Variants in CACHD1 observed in about 807,000 individuals in gnomAD.
CACHD1 encodes the protein cache domain containing 1.
CACHD1 carries 71 observed loss-of-function variants against 138.7 expected under a neutral mutation model. The ratio of observed to expected loss-of-function variants is 0.51; its 90% CI spans 0.42 to 0.62. The LOEUF (loss-of-function observed/expected upper bound fraction) is 0.62, where lower values mean the gene tolerates loss of function less well. CACHD1 is among the 20% of genes least tolerant of loss of function. CACHD1 has a pLI of 0.00. For synonymous variants in CACHD1, 578 were observed against 591.5 expected, an observed-to-expected ratio of 0.98 and a Z score of 0.33; for missense variants, 1,389 against 1,625.3, an observed-to-expected ratio of 0.85 and a Z score of 2.50.
At chr1:64,656,131 C>T (rs1649254232) in intron 12 of CACHD1, among the ~76,000 whole-genome samples, 1 of 152,184 alleles carries the variant, frequency 6.6e-6, no homozygotes, top group Admixed American at 6.5e-5. Flanking sequence ...TTCCAACCTT[C>T]TTGTTTGGTT....
chr1:64,620,909 T>C (rs1050715019), intron 4 of CACHD1, among the ~76,000 whole-genome samples: 4 of 152,110 alleles, frequency 2.6e-5, no homozygotes, highest in Non-Finnish European at 5.9e-5. Context: ...TTAGAGTTGG[T>C]TGGAGGAGGA....
chr1:64,503,813 T>C (rs1243140189), intron 1 of CACHD1, among the ~76,000 whole-genome samples: 2 of 152,114 alleles, frequency 1.3e-5, no homozygotes, highest in African/African-American at 4.8e-5. Flanking sequence ...AATGGGGAGA[T>C]CATTGTTTTG....
At chr1:64,589,479 T>C (rs1647079920) in intron 3 of CACHD1, among the ~76,000 whole-genome samples, 1 of 151,936 alleles carries the variant, frequency 6.6e-6, no homozygotes, top group Non-Finnish European at 1.5e-5. Flanking sequence ...ATAGCGTGTG[T>C]GTGTGTGCGT....
intron 1 of CACHD1, among the ~76,000 whole-genome samples, chr1:64,480,152 A>G (rs1193580500): frequency 6.6e-6 from 1 of 152,194 alleles, no homozygotes; most frequent in Non-Finnish European, 1.5e-5. Flanking sequence ...GACCTCTCAG[A>G]TCTACAGATC....
chr1:64,682,783 C>A (rs1157661721), intron 26 of CACHD1, among the ~76,000 whole-genome samples: 1 of 152,110 alleles, frequency 6.6e-6, no homozygotes, highest in Non-Finnish European at 1.5e-5. Context: ...TTCTCAGAGT[C>A]CATATCGCTC....
chr1:64,517,037 C>T (rs980923781), intron 1 of CACHD1, among the ~76,000 whole-genome samples: 1 of 152,142 alleles, frequency 6.6e-6, no homozygotes, highest in Non-Finnish European at 1.5e-5. Flanking sequence ...GCTGTTAGTA[C>T]CTATTTCATG....
intron 2 of CACHD1, among the ~76,000 whole-genome samples, chr1:64,580,510 C>T (rs1647003687): frequency 6.6e-6 from 1 of 152,104 alleles, no homozygotes; most frequent in South Asian, 2.1e-4. Flanking sequence ...TTAAATAAAA[C>T]ATCTGGTTAA....
intron 2 of CACHD1, among the ~76,000 whole-genome samples, chr1:64,579,330 A>C (rs1303218377): frequency 1.3e-5 from 2 of 152,234 alleles, no homozygotes; most frequent in African/African-American, 4.8e-5. Flanking sequence ...GACTCTTCAA[A>C]GTTAGAATCC....
At chr1:64,547,820 T>TA (rs11354586) in intron 1 of CACHD1, among the ~76,000 whole-genome samples, 7 of 151,944 alleles carry the variant, frequency 4.6e-5, no homozygotes, top group African/African-American at 7.3e-5. Context: ...GGAGAAGGGG[T>TA]AAAAAAAATG....
intron 16 of CACHD1, among the ~76,000 whole-genome samples, chr1:64,668,661 G>A (rs543758963): frequency 6.6e-6 from 1 of 152,366 alleles, no homozygotes; most frequent in South Asian, 2.1e-4. Flanking sequence ...GAGTCACTCA[G>A]TGAGTGTATA....
chr1:64,488,491 G>A (rs1646255851), intron 1 of CACHD1, among the ~76,000 whole-genome samples: 1 of 152,142 alleles, frequency 6.6e-6, no homozygotes, highest in South Asian at 2.1e-4. Context: ...GAATGAAGAG[G>A]TGGGAGGTCT....
At chr1:64,540,315 G>A (rs956871598) in intron 1 of CACHD1, among the ~76,000 whole-genome samples, 27 of 152,006 alleles carry the variant, frequency 1.8e-4, no homozygotes, top group Non-Finnish European at 2.9e-5. Context: ...TGGAGATCTA[G>A]GGGGTAGGGG....
chr1:64,642,019 G>A, intron 8 of CACHD1, 50 bp downstream of exon 8: 1 of 1,415,540 alleles, frequency 7.1e-7, no homozygotes, highest in Non-Finnish European at 9.4e-7. Context: ...CCCTCTAAGT[G>A]TATGCTGCTT....
At chr1:64,471,582 G>A (rs553549993) in intron 1 of CACHD1, among the ~76,000 whole-genome samples, 2 of 152,208 alleles carry the variant, frequency 1.3e-5, no homozygotes, top group African/African-American at 4.8e-5. Context: ...GGCTGGCCTG[G>A]TAGATTCTGG....
intron 1 of CACHD1, among the ~76,000 whole-genome samples, chr1:64,512,183 C>T (rs991345318): frequency 6.6e-6 from 1 of 152,034 alleles, no homozygotes; most frequent in African/African-American, 2.4e-5. Flanking sequence ...CACCTGAGGT[C>T]AGGAGTTTGA....
rs1168455454 is a variant in CACHD1 at position 64,691,562 on chromosome 1, C to A, written c.*1C>A. On this transcript the variant is annotated 3_prime_UTR_variant, in exon 27 of 27. Transcript: ENST00000651257. ...ACACACTGTCGATGCAGAATGCTAA[C>A]AATCTCCTCACCTCCACGCCAAGAT... 3.7e-6 allele frequency: 6 copies of A among 1,610,532 alleles called. No homozygotes were observed. The highest frequency in any genetic ancestry group is 3.3e-5 in the Admixed American group (2 of 59,984).
intron 3 of CACHD1, among the ~76,000 whole-genome samples, chr1:64,582,744 A>G (rs753468034): frequency 9.9e-5 from 15 of 152,184 alleles, no homozygotes; most frequent in Non-Finnish European, 1.5e-4. Flanking sequence ...ATGTGTTTTC[A>G]GATCATATTG....
chr1:64,533,978 C>T (rs1646610799), intron 1 of CACHD1, among the ~76,000 whole-genome samples: 1 of 151,680 alleles, frequency 6.6e-6, no homozygotes, highest in Non-Finnish European at 1.5e-5. Context: ...TGGTCTCAAC[C>T]TCCTGACCTC....
chr1:64,621,857 T>C (rs748336754), intron 4 of CACHD1, among the ~76,000 whole-genome samples: 6 of 152,112 alleles, frequency 3.9e-5, no homozygotes, highest in Non-Finnish European at 7.4e-5. Context: ...TGTAGTACAG[T>C]AGGGAACCTT....
Sources: gnomAD v4.1 joint callset for allele counts (sites outside exome capture counted in the v4.1 genomes callset) on GRCh38, gnomAD v4.1.1 for gene constraint, MANE v1.5 for transcripts, NCBI Gene and HGNC (gene_info 2026-07-23, HGNC 2026-07-21) for gene names.